The following R3HDM2 variants were observed in gnomAD, a reference collection of about 807,000 sequenced individuals.
R3HDM2 encodes the protein R3H domain-containing protein 2.
In R3HDM2, 38 loss-of-function variants were observed where a neutral mutation model predicts 124.5. The observed-to-expected ratio is 0.31, with a 90% confidence interval of 0.24 to 0.40. The LOEUF (loss-of-function observed/expected upper bound fraction) is 0.40, where lower values mean the gene tolerates loss of function less well. Ranked by LOEUF, R3HDM2 falls within the 10% of genes least tolerant of loss-of-function variation. The pLI is 1.00. For synonymous variants in R3HDM2, 391 were observed against 448.0 expected (o/e 0.87, Z 1.61); for missense variants, 869 against 1,236.9 (o/e 0.70, Z 4.46).
At chr12:57,266,873 G>T in intron 18 of R3HDM2, 42 bp from the exon 19 acceptor site, 1 of 1,376,966 alleles carries the variant, frequency 7.3e-7, no homozygotes, top group Non-Finnish European at 1.0e-6. Context: ...GCAGTAGAGG[G>T]ATGAACACAG....
chr12:57,391,999 TA>T (rs2066756603), intron 2 of R3HDM2, among the ~76,000 whole-genome samples: 1 of 152,144 alleles, frequency 6.6e-6, no homozygotes, highest in African/African-American at 2.4e-5. Context: ...CTGTCTCTAC[TA>T]AAAATACAAA....
chr12:57,324,224 C>A (rs573236244), intron 2 of R3HDM2, among the ~76,000 whole-genome samples: 40 of 152,268 alleles, frequency 2.6e-4, no homozygotes, highest in African/African-American at 8.7e-4. Context: ...ACTCTTGTTG[C>A]CCAGGCTAGA....
chr12:57,391,771 TTAAAA>T (rs1249400153), intron 2 of R3HDM2, among the ~76,000 whole-genome samples: 3 of 152,198 alleles, frequency 2.0e-5, no homozygotes, highest in Non-Finnish European at 2.9e-5. Flanking sequence ...CAATGAAAAG[TTAAAA>T]TAAATAACTG....
intron 2 of R3HDM2, among the ~76,000 whole-genome samples, chr12:57,314,317 T>TA (rs1246287423): frequency 6.6e-6 from 1 of 151,778 alleles, no homozygotes; most frequent in African/African-American, 2.4e-5. Flanking sequence ...CCATCTCTAC[T>TA]AAAAATACAA....
intron 2 of R3HDM2, among the ~76,000 whole-genome samples, chr12:57,393,125 A>G (rs957736384): frequency 5.4e-4 from 57 of 105,624 alleles, no homozygotes; most frequent in African/African-American, 2.1e-3. Context: ...TTTTCTTCAG[A>G]AGGAGTCTCG....
Position 57,310,501 on chromosome 12 carries a change from A to G in R3HDM2, c.-35-38T>C, listed in dbSNP as rs909977313. ...CAAATGCATTAAGCAGGAGGTATGT[A>G]TCCATACTTAACAAATACACAAGAC... is the stretch of plus-strand genomic sequence containing the variant. On this transcript the variant is annotated intron_variant, in intron 2 of 23. Coordinates refer to ENST00000402412, the MANE Select transcript of R3HDM2 (RefSeq NM_001394031.1). 2.6e-6 allele frequency: 3 copies of G among 1,159,930 alleles called. No individual in the cohort carries two copies. The African/African-American group carries it at 4.8e-5, about 19-fold the overall frequency. 71.9% of individuals were successfully genotyped at this position (1,159,930 alleles called of 1,614,324 possible). A position where few individuals can be genotyped will look rare whatever the true frequency, so the allele number is the denominator to read the frequency against.
chr12:57,330,562 C>T (rs900370882), intron 2 of R3HDM2, among the ~76,000 whole-genome samples: 2 of 150,102 alleles, frequency 1.3e-5, no homozygotes, highest in Non-Finnish European at 3.0e-5. Context: ...TCAGGCTGGT[C>T]TTGAACTCCT....
chr12:57,420,409 A>G (rs1484041741), intron 1 of R3HDM2, among the ~76,000 whole-genome samples: 1 of 151,816 alleles, frequency 6.6e-6, no homozygotes, highest in Non-Finnish European at 1.5e-5. Context: ...AAATCCAGTG[A>G]GTTATTTTCT....
intron 1 of R3HDM2, among the ~76,000 whole-genome samples, chr12:57,419,937 T>A (rs1054682808): frequency 1.1e-4 from 16 of 152,006 alleles, no homozygotes; most frequent in African/African-American, 3.6e-4. Flanking sequence ...TCAACCAACC[T>A]GCCTTACGCT....
At chr12:57,337,614 CA>C (rs1406653664) in intron 2 of R3HDM2, among the ~76,000 whole-genome samples, 2 of 151,984 alleles carry the variant, frequency 1.3e-5, no homozygotes, top group African/African-American at 4.8e-5. Context: ...TCAGCAAAAA[CA>C]AAAAACAAAC....
At chr12:57,265,136 T>C (rs539024435) in intron 19 of R3HDM2, among the ~76,000 whole-genome samples, 1 of 152,266 alleles carries the variant, frequency 6.6e-6, no homozygotes, top group Non-Finnish European at 1.5e-5. Context: ...CCATTTATTT[T>C]CCACTGGAGA....
intron 14 of R3HDM2, among the ~76,000 whole-genome samples, chr12:57,277,994 A>G (rs780932388): frequency 1.3e-5 from 2 of 152,212 alleles, no homozygotes; most frequent in Non-Finnish European, 2.9e-5. Context: ...GGAAGGGTGA[A>G]AAAGTGGAGA....
At chr12:57,325,078 C>T (rs2057110125) in intron 2 of R3HDM2, among the ~76,000 whole-genome samples, 1 of 152,188 alleles carries the variant, frequency 6.6e-6, no homozygotes, top group Admixed American at 6.5e-5. Context: ...ACACCTTGAT[C>T]TTGGGCTTCT....
intron 1 of R3HDM2, among the ~76,000 whole-genome samples, chr12:57,426,071 T>C (rs1478468942): frequency 6.6e-6 from 1 of 151,844 alleles, no homozygotes; most frequent in African/African-American, 2.4e-5. Context: ...CTACTAAAAA[T>C]ACAAAAATTA....
Position 57,296,060 on chromosome 12 carries a change from G to A in R3HDM2, c.701+351C>T, listed in dbSNP as rs893505531. Among the ~76,000 whole-genome samples the A allele has an allele frequency of 6.6e-6, 1 of 151,774 alleles. No individual in the cohort carries two copies. Among genetic ancestry groups the A allele is most frequent in the Non-Finnish European group, 1.5e-5 (1 of 67,950 alleles). On this transcript the variant is annotated intron_variant, in intron 9 of 23. Transcript: ENST00000402412. This position sits in a 1 kb window ranked among gnomAD's most constrained non-coding sequence, Gnocchi z 4.5. ...AATTTTTGTATTTTTAGTAGAGACG[G>A]GGTTTCACCATCTTGGCCAAGCGGG...
chr12:57,332,543 T>A, intron 2 of R3HDM2, among the ~76,000 whole-genome samples: 1 of 151,944 alleles, frequency 6.6e-6, no homozygotes, highest in Non-Finnish European at 1.5e-5. Context: ...CAAATTCAGA[T>A]CAGGATGGCT....
chr12:57,328,134 C>T (rs904837023), intron 2 of R3HDM2, among the ~76,000 whole-genome samples: 2 of 150,484 alleles, frequency 1.3e-5, no homozygotes, highest in African/African-American at 4.9e-5. Flanking sequence ...TGCAGTGGCG[C>T]GATCACAGCT....
At chr12:57,386,321 C>T (rs1409871829) in intron 2 of R3HDM2, among the ~76,000 whole-genome samples, 2 of 152,194 alleles carry the variant, frequency 1.3e-5, no homozygotes, top group Admixed American at 6.5e-5. Flanking sequence ...CGGAGAGGCA[C>T]GGGCGGGAAC....
intron 1 of R3HDM2, among the ~76,000 whole-genome samples, chr12:57,419,230 G>A (rs1000084620): frequency 2.1e-5 from 3 of 144,966 alleles, no homozygotes; most frequent in South Asian, 2.2e-4. Flanking sequence ...TGCAACCTCC[G>A]CCTCCAGGGT....
Sources: gnomAD v4.1 joint callset for allele counts (sites outside exome capture counted in the v4.1 genomes callset) on GRCh38, gnomAD v4.1.1 for gene constraint, Gnocchi (gnomAD v3.1) non-coding constraint, MANE v1.5 for transcripts, NCBI Gene and HGNC (gene_info 2026-07-23, HGNC 2026-07-21) for gene names.